MAPK10: variants seen among roughly 807,000 people sequenced by gnomAD.
MAPK10 encodes the protein JNK3 alpha protein kinase.
MAPK10 carries 25 observed loss-of-function variants against 59.3 expected under a neutral mutation model. The observed-to-expected ratio is 0.42, with a 90% confidence interval of 0.31 to 0.59. The LOEUF (loss-of-function observed/expected upper bound fraction) is 0.59, where lower values mean the gene tolerates loss of function less well. Among genes scored for constraint, MAPK10 ranks in the 20% least tolerant of loss-of-function variants. MAPK10 has a pLI of 0.15. For synonymous variants in MAPK10, 190 were observed against 200.5 expected (o/e 0.95, Z 0.44); for missense variants, 351 against 568.9 (o/e 0.62, Z 3.90).
rs146235250 is a variant in MAPK10, at chr4:86,328,103, C to T, written c.-7+26427G>A. On this transcript the variant is annotated intron_variant, in intron 2 of 13. Coordinates refer to ENST00000641462, the MANE Select transcript of MAPK10 (RefSeq NM_138982.4). ...GAGTAGGTCATGAGGACTCTTTCCT[C>T]ATGAAGGAGATTAAAGCCCTTATAA... Among the ~76,000 whole-genome samples, 276 of 152,208 alleles carry T rather than the reference C, an allele frequency of 1.8e-3. 1 individual carries two copies. Among genetic ancestry groups the T allele is most frequent in the African/African-American group, 6.2e-3 (259 of 41,536 alleles).
chr4:86,105,020 G>A (rs2056281809), intron 5 of MAPK10, among the ~76,000 whole-genome samples: 1 of 152,088 alleles, frequency 6.6e-6, no homozygotes, highest in Non-Finnish European at 1.5e-5. Context: ...ACACACAGAT[G>A]TGAATCTATG....
At chr4:86,250,819 G>A (rs1018613810) in intron 2 of MAPK10, among the ~76,000 whole-genome samples, 1 of 152,096 alleles carries the variant, frequency 6.6e-6, no homozygotes, top group Non-Finnish European at 1.5e-5. Context: ...TTTCACCAGT[G>A]GTCATGAGCT....
chr4:86,450,657 T>C (rs1276121473), intron 1 of MAPK10, among the ~76,000 whole-genome samples: 3 of 152,240 alleles, frequency 2.0e-5, no homozygotes, highest in Non-Finnish European at 2.9e-5. Flanking sequence ...GTTATAACTA[T>C]AACAACATTT....
intron 11 of MAPK10, among the ~76,000 whole-genome samples, chr4:86,056,087 G>A (rs2044491399): frequency 6.7e-6 from 1 of 150,088 alleles, no homozygotes; most frequent in African/African-American, 2.5e-5. Context: ...AAAGGAAAAT[G>A]TGACTCACAA....
intron 1 of MAPK10, among the ~76,000 whole-genome samples, chr4:86,538,846 A>G (rs1225735947): frequency 6.6e-6 from 1 of 152,186 alleles, no homozygotes; most frequent in East Asian, 1.9e-4. Context: ...ATGAGAAAGG[A>G]CTTAACCAGA....
intron 1 of MAPK10, among the ~76,000 whole-genome samples, chr4:86,443,166 T>G (rs889748364): frequency 2.0e-5 from 3 of 152,100 alleles, no homozygotes; most frequent in Non-Finnish European, 2.9e-5. Flanking sequence ...AGACTCAGTC[T>G]TAGAGGGGAT....
chr4:86,438,167 G>T lies in MAPK10; in HGVS notation c.-122+14863C>A, dbSNP rs1484838965. Among the ~76,000 whole-genome samples, 5 of 152,116 alleles carry T rather than the reference G, an allele frequency of 3.3e-5. No homozygotes were observed. In the East Asian group the frequency reaches 9.7e-4, roughly 29 times the overall value. ...TACTAATATTCTAATTCTTGATCTG[G>T]GTGGCAATTTCGCTTACTGAAAATT... On this transcript the variant is annotated intron_variant, in intron 1 of 13. Coordinates refer to the MAPK10 transcript ENST00000361569.
chr4:86,486,967 A>G (rs895154835), intron 1 of MAPK10, among the ~76,000 whole-genome samples: 3 of 152,180 alleles, frequency 2.0e-5, no homozygotes, highest in African/African-American at 7.2e-5. Flanking sequence ...ATCAAGAAAC[A>G]TCAGACAAAC....
intron 1 of MAPK10, among the ~76,000 whole-genome samples, chr4:86,586,262 G>C (rs949084514): frequency 1.3e-5 from 2 of 152,200 alleles, no homozygotes; most frequent in African/African-American, 2.4e-5. Flanking sequence ...ACCAACCCTA[G>C]TAAAAATTGT....
At chr4:86,532,072 TTATATATATACA>T (rs941769612) in intron 1 of MAPK10, among the ~76,000 whole-genome samples, 4 of 147,512 alleles carry the variant, frequency 2.7e-5, no homozygotes, top group South Asian at 2.1e-4. Context: ...TATATTATTT[TTATATATATACA>T]TATATATATA....
chr4:86,398,231 A>C (rs1469681874), intron 1 of MAPK10, among the ~76,000 whole-genome samples: 1 of 152,032 alleles, frequency 6.6e-6, no homozygotes. Flanking sequence ...ACAAACAAAA[A>C]AAAAAAGAAA....
At chr4:86,403,469 T>C (rs1743972467) in intron 1 of MAPK10, among the ~76,000 whole-genome samples, 1 of 152,000 alleles carries the variant, frequency 6.6e-6, no homozygotes, top group Non-Finnish European at 1.5e-5. Flanking sequence ...TGAGTTAAGA[T>C]TGTACAACTT....
Position 86,017,165 on chromosome 4 carries a change from G to C in MAPK10, c.*63C>G. The C allele has an allele frequency of 1.4e-6, 2 of 1,430,558 alleles. No homozygotes were observed. Among genetic ancestry groups the C allele is most frequent in the Non-Finnish European group, 1.9e-6 (2 of 1,040,192 alleles). 88.6% of individuals were successfully genotyped at this position (1,430,558 alleles called of 1,614,324 possible). On this transcript the variant is annotated 3_prime_UTR_variant, in exon 14 of 14. Coordinates refer to ENST00000641462, the MANE Select transcript of MAPK10 (RefSeq NM_138982.4). The surrounding 1 kb of genome is among the most constrained non-coding windows in gnomAD (Gnocchi z 4.4). ...CATTTGTGTGTGTGTGTGTGTCTGCGTGTGTGTGTGTTCCATCACATCATC... is the reference window on the plus strand; with the variant it reads ...CATTTGTGTGTGTGTGTGTGTCTGCCTGTGTGTGTGTTCCATCACATCATC...
At chr4:86,360,117 A>C (rs773731637), upstream of MAPK10, 55 of 985,768 alleles carry the variant, frequency 5.6e-5, no homozygotes, top group East Asian at 1.1e-4. Flanking sequence ...AACCGAAAGG[A>C]GCACACATGA....
At chr4:86,588,111 A>T (rs1361322327) in intron 1 of MAPK10, among the ~76,000 whole-genome samples, 2 of 152,144 alleles carry the variant, frequency 1.3e-5, no homozygotes, top group Non-Finnish European at 2.9e-5. Context: ...GGGCTCCATT[A>T]TGTGGTTGTC....
intron 2 of MAPK10, among the ~76,000 whole-genome samples, chr4:86,248,039 G>A (rs2093207628): frequency 6.6e-6 from 1 of 152,174 alleles, no homozygotes. Flanking sequence ...GGTTAACAGA[G>A]CTAAATAAAG....
chr4:86,055,260 C>T (rs1898249), intron 11 of MAPK10, among the ~76,000 whole-genome samples: 36,227 of 136,276 alleles, frequency 0.27, 6,123 homozygotes, highest in Non-Finnish European at 0.29. Context: ...AAATTATTCA[C>T]ATTGTTAATT....
intron 1 of MAPK10, among the ~76,000 whole-genome samples, chr4:86,436,123 G>C (rs1748687716): frequency 6.6e-6 from 1 of 152,102 alleles, no homozygotes; most frequent in Non-Finnish European, 1.5e-5. Context: ...GGAACTTGGA[G>C]AGTTCATAAC....
intron 9 of MAPK10, among the ~76,000 whole-genome samples, chr4:86,086,158 T>C (rs2051782132): frequency 6.6e-6 from 1 of 152,084 alleles, no homozygotes; most frequent in African/African-American, 2.4e-5. Flanking sequence ...ATCCTGCACA[T>C]GTACCCTGGA....
Sources: gnomAD v4.1 joint callset for allele counts (sites outside exome capture counted in the v4.1 genomes callset) on GRCh38, gnomAD v4.1.1 for gene constraint, Gnocchi (gnomAD v3.1) non-coding constraint, MANE v1.5 for transcripts, NCBI Gene and HGNC (gene_info 2026-07-23, HGNC 2026-07-21) for gene names.